CHSY3: variants seen among roughly 807,000 people sequenced by gnomAD.
CHSY3 encodes the protein N-acetylgalactosaminyl-proteoglycan 3-beta-glucuronosyltransferase 3.
In CHSY3, 35 loss-of-function variants were observed where a neutral mutation model predicts 67.2. The observed-to-expected ratio is 0.52, with a 90% CI of 0.40 to 0.69. The LOEUF (loss-of-function observed/expected upper bound fraction) is 0.69, where lower values mean the gene tolerates loss of function less well. CHSY3 is among the 30% of genes least tolerant of loss of function. The probability of loss-of-function intolerance (pLI) is 0.00; values close to 1 mark genes in which losing one functional copy is unlikely to be tolerated. For missense variants in CHSY3, 1,069 were observed against 1,138.5 expected (o/e 0.94, Z 0.88); for synonymous variants, 474 against 434.7 (o/e 1.09, Z -1.12).
At chr5:130,044,135 G>T (rs1332869428) in intron 2 of CHSY3, among the ~76,000 whole-genome samples, 2 of 152,080 alleles carry the variant, frequency 1.3e-5, no homozygotes, top group African/African-American at 4.8e-5. Flanking sequence ...ACTTGAAGAA[G>T]AAGGAATCTA....
intron 2 of CHSY3, among the ~76,000 whole-genome samples, chr5:130,022,657 C>T (rs540918107): frequency 1.3e-5 from 2 of 151,900 alleles, no homozygotes; most frequent in Non-Finnish European, 2.9e-5. Flanking sequence ...TAATAAATGA[C>T]AATATCATCA....
chr5:129,915,386 T>C (rs772103971), intron 2 of CHSY3, among the ~76,000 whole-genome samples: 17 of 152,162 alleles, frequency 1.1e-4, no homozygotes, highest in Non-Finnish European at 2.4e-4. Context: ...TACATATAAA[T>C]CGGTTTGAGT....
intron 2 of CHSY3, among the ~76,000 whole-genome samples, chr5:130,064,633 A>C (rs954562457): frequency 1.3e-5 from 2 of 152,216 alleles, no homozygotes; most frequent in African/African-American, 4.8e-5. Flanking sequence ...TTACATAATG[A>C]GTATACCATG....
Position 130,185,563 on chromosome 5 carries a change from T to A in CHSY3, c.2421T>A (p.Asp807Glu). 6.2e-7 allele frequency: 1 copy of A among 1,614,138 alleles called. No individual in the cohort carries two copies. Among genetic ancestry groups the A allele is most frequent in the Non-Finnish European group, 8.5e-7 (1 of 1,179,976 alleles). Residue 807 changes from aspartate to glutamate, a missense_variant, in exon 3 of 3, where the codon GAT becomes GAA. Asp to Glu is a conservative substitution (Grantham distance 45). Coordinates refer to ENST00000305031, the MANE Select transcript of CHSY3 (RefSeq NM_175856.5). ...CAATACAAGGCTGGGGACTAGAAGA[T>A]GTAGATCTCTACAATAAAGTCATTC... ...DTSIQGWGLE[D>E]VDLYNKVILS...
At chr5:130,154,477 T>A (rs752036739) in intron 2 of CHSY3, among the ~76,000 whole-genome samples, 2 of 152,214 alleles carry the variant, frequency 1.3e-5, no homozygotes, top group Non-Finnish European at 2.9e-5. Flanking sequence ...TCCCATGATC[T>A]TATTTTCTCC....
chr5:130,043,464 A>G (rs961965749), intron 2 of CHSY3, among the ~76,000 whole-genome samples: 1 of 152,116 alleles, frequency 6.6e-6, no homozygotes, highest in African/African-American at 2.4e-5. Context: ...GAGAACTTAG[A>G]AAGTGGAGGT....
At chr5:130,038,922 C>A (rs1764932244) in intron 2 of CHSY3, among the ~76,000 whole-genome samples, 1 of 152,044 alleles carries the variant, frequency 6.6e-6, no homozygotes, top group South Asian at 2.1e-4. Flanking sequence ...ATTATATTTA[C>A]ATTTCCTTGC....
intron 2 of CHSY3, among the ~76,000 whole-genome samples, chr5:130,125,187 C>T (rs1580758651): frequency 1.3e-5 from 2 of 152,200 alleles, no homozygotes; most frequent in East Asian, 3.9e-4. Flanking sequence ...AAGACACTGT[C>T]CTGCAACCAT....
chr5:130,046,938 A>G (rs1765171469), intron 2 of CHSY3, among the ~76,000 whole-genome samples: 1 of 151,808 alleles, frequency 6.6e-6, no homozygotes, highest in Non-Finnish European at 1.5e-5. Context: ...AACTTTTCTT[A>G]ATATAAATTG....
At chr5:129,922,319 G>A (rs111708324) in intron 2 of CHSY3, among the ~76,000 whole-genome samples, 2,425 of 152,330 alleles carry the variant, frequency 0.016, 60 homozygotes, top group African/African-American at 0.054. Flanking sequence ...TCTCTTCAAT[G>A]TACTGATAAC....
At position 129,905,555 on chromosome 5, in the gene CHSY3, G is replaced by A; in HGVS notation, c.726G>A (p.Met242Ile). ...CTCCCCAGAAAAAGTCCTTCATGATGATCAAGTACATGCACGACCACTACC... is the reference window on the plus strand; with the variant it reads ...CTCCCCAGAAAAAGTCCTTCATGATAATCAAGTACATGCACGACCACTACC... ...SYPPQKKSFM[M>I]IKYMHDHYLD... is the part of the protein sequence containing the mutation. The change falls in exon 1 of 3, where the codon ATG becomes ATA. Residue 242 changes from methionine to isoleucine, a missense_variant. Transcript: ENST00000305031. The A allele has an allele frequency of 6.2e-7, 1 of 1,613,762 alleles. No homozygotes were observed. Among genetic ancestry groups the A allele is most frequent in the Non-Finnish European group, 8.5e-7 (1 of 1,180,026 alleles).
At chr5:130,054,124 A>C (rs1043725124) in intron 2 of CHSY3, among the ~76,000 whole-genome samples, 1 of 152,046 alleles carries the variant, frequency 6.6e-6, no homozygotes, top group Admixed American at 6.6e-5. Flanking sequence ...CACGCTTTGT[A>C]TCTCTTGGTA....
At chr5:130,081,654 A>T (rs1580714457) in intron 2 of CHSY3, among the ~76,000 whole-genome samples, 1 of 151,912 alleles carries the variant, frequency 6.6e-6, no homozygotes, top group Admixed American at 6.6e-5. Context: ...TGTTCTCATG[A>T]TAATAAGTCT....
intron 2 of CHSY3, among the ~76,000 whole-genome samples, chr5:129,981,441 C>A (rs1762982312): frequency 6.6e-6 from 1 of 151,966 alleles, no homozygotes; most frequent in Admixed American, 6.5e-5. Context: ...GGACTTTCTG[C>A]AGATGATCAT....
In CHSY3 at chr5:129,904,754, G is replaced by A; in HGVS notation, c.-76G>A. ...CGGCTGGGGGCGCAAAGGCGGAGGA[G>A]GGGCGGGTGTGAGCCGGGGAAACCG... is the stretch of plus-strand genomic sequence containing the variant. On this transcript the variant is annotated 5_prime_UTR_variant, in exon 1 of 3. Transcript: ENST00000305031. The A allele has an allele frequency of 1.6e-6, 2 of 1,248,692 alleles. No homozygotes were observed. The highest frequency in any genetic ancestry group is 1.0e-6 in the Non-Finnish European group (1 of 998,480). 77.4% of individuals were successfully genotyped at this position (1,248,692 alleles called of 1,614,324 possible).
intron 2 of CHSY3, among the ~76,000 whole-genome samples, chr5:130,178,499 G>A (rs950670249): frequency 1.3e-5 from 2 of 151,620 alleles, no homozygotes; most frequent in East Asian, 1.9e-4. Context: ...TGATCCGCCC[G>A]TCTCGGCCTC....
At chr5:130,161,564 C>G (rs1366278265) in intron 2 of CHSY3, among the ~76,000 whole-genome samples, 1 of 152,144 alleles carries the variant, frequency 6.6e-6, no homozygotes, top group Admixed American at 6.6e-5. Flanking sequence ...GAATTATATT[C>G]TCATTCAGAA....
At chr5:130,169,475 C>G (rs1769839530) in intron 2 of CHSY3, among the ~76,000 whole-genome samples, 1 of 152,054 alleles carries the variant, frequency 6.6e-6, no homozygotes, top group Non-Finnish European at 1.5e-5. Flanking sequence ...AAATGATGAT[C>G]ACTGGAAATT....
At chr5:130,003,076 C>T (rs2149640508) in intron 2 of CHSY3, among the ~76,000 whole-genome samples, 1 of 152,246 alleles carries the variant, frequency 6.6e-6, no homozygotes. Context: ...CTAAGCTGTC[C>T]TTCAACAGCT....
Sources: allele counts gnomAD v4.1 joint callset (sites outside exome capture counted in the v4.1 genomes callset), GRCh38; gene constraint gnomAD v4.1.1; transcripts MANE v1.5; gene names NCBI Gene and HGNC (gene_info 2026-07-23, HGNC 2026-07-21).